POU6F2: variants seen among roughly 807,000 people sequenced by gnomAD.
POU6F2 encodes POU class 6 homeobox 2.
In POU6F2, 31 loss-of-function variants were observed where a neutral mutation model predicts 71.3. That is an observed-to-expected ratio of 0.43 (90% confidence interval 0.33 to 0.59). The LOEUF is 0.59. POU6F2 is among the 20% of genes least tolerant of loss of function. POU6F2 has a pLI of 0.04. For missense variants in POU6F2, 783 were observed against 856.8 expected, an observed-to-expected ratio of 0.91 and a Z score of 1.07; for synonymous variants, 347 against 355.7, an observed-to-expected ratio of 0.98 and a Z score of 0.27.
chr7:39,167,116 A>G (rs1006351275), intron 2 of POU6F2, among the ~76,000 whole-genome samples: 7 of 152,182 alleles, frequency 4.6e-5, no homozygotes, highest in Non-Finnish European at 7.3e-5. Context: ...CAAACTTCAT[A>G]TGCATAAAGA....
intron 1 of POU6F2, among the ~76,000 whole-genome samples, chr7:39,084,705 G>C (rs1408557491): frequency 6.6e-6 from 1 of 151,928 alleles, no homozygotes; most frequent in Non-Finnish European, 1.5e-5. Flanking sequence ...TTTCAAGCAT[G>C]AATACATTAA....
chr7:39,367,657 G>A lies in POU6F2; in HGVS notation c.972+27642G>A, dbSNP rs994187060. ...ACATGATCTCATACAGGCATACCTC[G>A]TTGTATTGCACTTTGCTTTATTGCT... On this transcript the variant is annotated intron_variant, in intron 5 of 9. Transcript: ENST00000518318. Among the ~76,000 whole-genome samples, 14 of 152,204 alleles carry A rather than the reference G, an allele frequency of 9.2e-5. 1 individual carries two copies. Among genetic ancestry groups the A allele is most frequent in the East Asian group, 7.7e-4 (4 of 5,170 alleles).
At chr7:39,213,412 G>A (rs1489400360) in intron 4 of POU6F2, among the ~76,000 whole-genome samples, 2 of 152,204 alleles carry the variant, frequency 1.3e-5, no homozygotes, top group African/African-American at 4.8e-5. Context: ...TGTTTTCACT[G>A]AGGTATCCTT....
At chr7:39,249,065 G>A (rs1004577102) in intron 4 of POU6F2, among the ~76,000 whole-genome samples, 1 of 152,092 alleles carries the variant, frequency 6.6e-6, no homozygotes, top group Admixed American at 6.5e-5. Context: ...CCCCATGCAG[G>A]TCTCCATATT....
At chr7:39,211,241 C>CA (rs141156825) in intron 4 of POU6F2, among the ~76,000 whole-genome samples, 2,958 of 152,236 alleles carry the variant, frequency 0.019, 90 homozygotes, top group African/African-American at 0.068. Flanking sequence ...TGGCATCCCC[C>CA]AATATCACCA....
chr7:39,340,893 A>G (rs1232084086), intron 5 of POU6F2, among the ~76,000 whole-genome samples: 3 of 152,220 alleles, frequency 2.0e-5, no homozygotes, highest in Non-Finnish European at 4.4e-5. Context: ...CAGCCAAGCC[A>G]TCCATTCTTT....
Position 39,100,930 on chromosome 7 carries a change from A to AT in POU6F2, c.277+14900dup, listed in dbSNP as rs370573390. ...CTCGTACACAGGAATGAAAATCCAC[A>AT]TCTTCATTCTATGGCATGAATTGGG... On this transcript the variant is annotated intron_variant, in intron 2 of 9. Transcript: ENST00000518318. Among the ~76,000 whole-genome samples, 388 of 152,302 alleles carry AT rather than the reference A, an allele frequency of 2.5e-3. 2 individuals carry two copies. Among genetic ancestry groups the AT allele is most frequent in the African/African-American group, 8.7e-3 (362 of 41,562 alleles).
intron 3 of POU6F2, among the ~76,000 whole-genome samples, chr7:39,205,121 C>T (rs1793984789): frequency 6.6e-6 from 1 of 151,792 alleles, no homozygotes; most frequent in Non-Finnish European, 1.5e-5. Context: ...ACCAAGACTC[C>T]CTATGGCCTC....
At chr7:39,284,004 G>A (rs1438934097) in intron 4 of POU6F2, among the ~76,000 whole-genome samples, 1 of 152,130 alleles carries the variant, frequency 6.6e-6, no homozygotes, top group African/African-American at 2.4e-5. Flanking sequence ...GACAAAAAAA[G>A]GATGCAAATT....
chr7:39,369,347 G>C (rs1786563421), intron 5 of POU6F2, among the ~76,000 whole-genome samples: 1 of 150,316 alleles, frequency 6.7e-6, no homozygotes, highest in African/African-American at 2.5e-5. Flanking sequence ...GTGATTGTTA[G>C]CTTTTTTTTT....
intron 2 of POU6F2, among the ~76,000 whole-genome samples, chr7:39,125,976 T>G (rs145061300): frequency 3.9e-5 from 6 of 152,230 alleles, no homozygotes; most frequent in African/African-American, 1.4e-4. Flanking sequence ...ATCTCCTGAA[T>G]GGTGCCTGTC....
intron 5 of POU6F2, among the ~76,000 whole-genome samples, chr7:39,385,939 C>T (rs1786929592): frequency 6.6e-6 from 1 of 151,862 alleles, no homozygotes; most frequent in African/African-American, 2.4e-5. Context: ...ACAGTGAAAC[C>T]TCATCTCTAC....
intron 4 of POU6F2, among the ~76,000 whole-genome samples, chr7:39,259,976 C>T (rs1784100025): frequency 6.9e-6 from 1 of 145,324 alleles, no homozygotes; most frequent in African/African-American, 2.6e-5. Context: ...CACACATACA[C>T]ACACACAGTC....
intron 1 of POU6F2, among the ~76,000 whole-genome samples, chr7:38,995,913 A>C (rs1788721522): frequency 6.6e-6 from 1 of 152,000 alleles, no homozygotes; most frequent in Non-Finnish European, 1.5e-5. Flanking sequence ...CTATCCTCAC[A>C]TTCTTGCTTC....
At chr7:39,145,383 G>A (rs548131493) in intron 2 of POU6F2, among the ~76,000 whole-genome samples, 3 of 152,272 alleles carry the variant, frequency 2.0e-5, no homozygotes, top group African/African-American at 7.2e-5. Flanking sequence ...ACACAGTTTC[G>A]ACCAGTGTAT....
chr7:39,436,065 C>T (rs1788234465), intron 7 of POU6F2, among the ~76,000 whole-genome samples: 1 of 152,116 alleles, frequency 6.6e-6, no homozygotes, highest in Non-Finnish European at 1.5e-5. Context: ...GTGATGCCTC[C>T]AGTTTTGTTC....
chr7:39,141,167 C>G (rs1792492128), intron 2 of POU6F2, among the ~76,000 whole-genome samples: 1 of 152,134 alleles, frequency 6.6e-6, no homozygotes, highest in South Asian at 2.1e-4. Context: ...TGTTCTCTTC[C>G]TTTTGCTTGG....
chr7:39,114,891 G>C (rs1332112019), intron 2 of POU6F2, among the ~76,000 whole-genome samples: 7 of 151,818 alleles, frequency 4.6e-5, no homozygotes, highest in African/African-American at 1.4e-4. Context: ...CATGCAGACA[G>C]ATAGGTGAGC....
At chr7:39,244,278 C>A (rs1562760706) in intron 4 of POU6F2, among the ~76,000 whole-genome samples, 1 of 152,158 alleles carries the variant, frequency 6.6e-6, no homozygotes, top group Non-Finnish European at 1.5e-5. Context: ...AGACAGAAAA[C>A]AGCATTTTGC....
Sources: gnomAD v4.1 joint callset for allele counts (sites outside exome capture counted in the v4.1 genomes callset) on GRCh38, gnomAD v4.1.1 for gene constraint, MANE v1.5 for transcripts, NCBI Gene and HGNC (gene_info 2026-07-23, HGNC 2026-07-21) for gene names.